SPEN: variants seen among roughly 807,000 people sequenced by gnomAD.
SPEN encodes msx2-interacting protein.
A neutral mutation model predicts 269.9 loss-of-function variants in SPEN; 18 were observed. The ratio of observed to expected loss-of-function variants is 0.07; its 90% CI spans 0.05 to 0.10. SPEN has a LOEUF of 0.10. Among genes scored for constraint, SPEN ranks in the 10% least tolerant of loss-of-function variants. The pLI is 1.00. For missense variants in SPEN, 3,822 were observed against 4,631.2 expected, an observed-to-expected ratio of 0.83 and a Z score of 5.07; for synonymous variants, 1,726 against 1,765.7, an observed-to-expected ratio of 0.98 and a Z score of 0.56.
chr1:15,888,371 G>A (rs1025345807), intron 3 of SPEN, among the ~76,000 whole-genome samples: 3 of 150,544 alleles, frequency 2.0e-5, no homozygotes, highest in South Asian at 4.2e-4. Context: ...TTGCCCAGGC[G>A]GAAGTGCAGT....
chr1:15,938,563 AGCT>A, intron 13 of SPEN, 152 bp from the exon 14 acceptor site: 1 of 577,258 alleles, frequency 1.7e-6, no homozygotes, highest in East Asian at 3.4e-5. Context: ...GTTGAAAAAA[AGCT>A]TTTTTTTTTT....
chr1:15,858,955 A>G (rs1375468977), intron 1 of SPEN, among the ~76,000 whole-genome samples: 1 of 152,148 alleles, frequency 6.6e-6, no homozygotes, highest in South Asian at 2.1e-4. Context: ...AAAAACAAAC[A>G]AACAAAAAAC....
Position 15,936,202 on chromosome 1 carries a change from C to G in SPEN, c.9962C>G (p.Thr3321Arg), listed in dbSNP as rs767599323. ...ACCTACCACCCCCCGGCCCAGCTCACACACACTCAGTTTCCCGCCGCTTCC... is the reference window on the plus strand; with the variant it reads ...ACCTACCACCCCCCGGCCCAGCTCAGACACACTCAGTTTCCCGCCGCTTCC... ...IRTYHPPAQL[T>R]HTQFPAASSV... The change falls in exon 11 of 15, where the codon ACA becomes AGA. Residue 3321 changes from threonine to arginine, a missense_variant. Transcript: ENST00000375759. 3.2e-6 allele frequency: 5 copies of G among 1,580,182 alleles called. No individual in the cohort carries two copies. The highest frequency in any genetic ancestry group is 4.3e-6 in the Non-Finnish European group (5 of 1,157,436).
At chr1:15,917,982 G>A (rs564727980) in intron 6 of SPEN, 1 of 152,156 alleles carries the variant, frequency 6.6e-6, no homozygotes, top group African/African-American at 2.4e-5. Context: ...ATGGAGAAAT[G>A]GATGACCTCA....
rs182141379 is a variant in SPEN, at chr1:15,872,189, C to T, written c.84-627C>T. Among the ~76,000 whole-genome samples, 452 of 140,610 alleles carry T rather than the reference C, an allele frequency of 3.2e-3. 2 individuals carry two copies. The highest frequency in any genetic ancestry group is 0.012 in the African/African-American group (434 of 36,982). The allele number at this position is 140,610 out of a possible 152,430, so 92.2% of individuals were successfully genotyped here. A position where few individuals can be genotyped will look rare whatever the true frequency, so the allele number is the denominator to read the frequency against. ...GGAGTTGGAGGTTACAGTAAGTGCA[C>T]TCCAGTCTGGGTGACAGAGTGAGAC... On this transcript the variant is annotated intron_variant, in intron 1 of 14. Coordinates refer to ENST00000375759, the MANE Select transcript of SPEN (RefSeq NM_015001.3).
intron 3 of SPEN, among the ~76,000 whole-genome samples, chr1:15,895,678 CTTTTT>C (rs746305617): frequency 7.7e-6 from 1 of 129,688 alleles, no homozygotes; most frequent in Non-Finnish European, 1.6e-5. Flanking sequence ...TATACTTAAC[CTTTTT>C]TTTTTTTTTT....
At chr1:15,889,486 T>G (rs2070769701) in intron 3 of SPEN, among the ~76,000 whole-genome samples, 1 of 151,274 alleles carries the variant, frequency 6.6e-6, no homozygotes, top group South Asian at 2.1e-4. Flanking sequence ...TTTCCTGGAG[T>G]TCAGAATTAG....
Position 15,935,438 on chromosome 1 carries a change from G to A in SPEN, c.9198G>A (p.Gln3066=), listed in dbSNP as rs1328626113. Residue 3066 remains glutamine (Q), a synonymous_variant, in exon 11 of 15, where the codon CAG becomes CAA. Transcript: ENST00000375759. This position sits in a 1 kb window ranked among gnomAD's most constrained non-coding sequence, Gnocchi z 7.7. ...TGGCTGCAGGCATCCCAGTGCCCCA[G>A]TTCATCTCCAGCATCCACCCAGAGC... ...VMLAAGIPVP[Q]FISSIHPEQS... 3 of 1,613,982 alleles carry A rather than the reference G, an allele frequency of 1.9e-6. No homozygotes were observed. In the African/African-American group the frequency reaches 4.0e-5, roughly 22 times the overall value.
intron 3 of SPEN, among the ~76,000 whole-genome samples, chr1:15,893,316 T>C (rs1168055974): frequency 2.0e-5 from 3 of 152,146 alleles, no homozygotes; most frequent in Admixed American, 1.3e-4. Context: ...TGATTCTTTA[T>C]ATGTTATTTT....
At chr1:15,864,863 G>A (rs12754727) in intron 1 of SPEN, among the ~76,000 whole-genome samples, 2 of 150,562 alleles carry the variant, frequency 1.3e-5, no homozygotes, top group Non-Finnish European at 3.0e-5. Context: ...TTTTAGTAGA[G>A]AAGGGGGTAG....
At chr1:15,869,935 T>A (rs1421638686) in intron 1 of SPEN, among the ~76,000 whole-genome samples, 1 of 152,098 alleles carries the variant, frequency 6.6e-6, no homozygotes, top group East Asian at 1.9e-4. Context: ...GGCGTGGTCT[T>A]GTCTCACTGC....
At position 15,928,604 on chromosome 1, in the gene SPEN, T is replaced by G. The variant is rs1291020450; in HGVS notation, c.2364T>G (p.Asn788Lys). The G allele has an allele frequency of 3.1e-6, 5 of 1,613,802 alleles. No homozygotes were observed. The highest frequency in any genetic ancestry group is 1.1e-5 in the South Asian group (1 of 91,070). ...CTCGTTTGGAGCGCTATACAAAAAA[T>G]GAAAAGACAGATAAAGAACGAACTT... The part of the protein sequence containing the change: ...DKSRLERYTK[N>K]EKTDKERTFD... Residue 788 changes from asparagine (N) to lysine (K), a missense_variant, in exon 11 of 15, where the codon AAT (asparagine) becomes AAG (lysine). Asn to Lys is a moderately conservative substitution (Grantham distance 94). This residue lies in a region of SPEN where 572 missense variants were observed against 582.6 expected (regional missense o/e 0.98). Transcript: ENST00000375759. The surrounding 1 kb of genome is among the most constrained non-coding windows in gnomAD (Gnocchi z 5.7).
At position 15,903,966 on chromosome 1, in the gene SPEN, A is replaced by G. The variant is rs1030839365; in HGVS notation, c.882-5355A>G. Among the ~76,000 whole-genome samples, 76 of 152,328 alleles carry G rather than the reference A, an allele frequency of 5.0e-4. 1 individual carries two copies. Among genetic ancestry groups the G allele is most frequent in the African/African-American group, 1.8e-3 (76 of 41,586 alleles). On this transcript the variant is annotated intron_variant, in intron 3 of 14. Coordinates refer to ENST00000375759, the MANE Select transcript of SPEN (RefSeq NM_015001.3). ...GGCTTTTAAGAAACAACTGAATACT[A>G]TATCATGCATTTTGATGAACTGTTG...
At chr1:15,859,127 GT>G (rs1228976242) in intron 1 of SPEN, among the ~76,000 whole-genome samples, 1 of 131,350 alleles carries the variant, frequency 7.6e-6, no homozygotes, top group Non-Finnish European at 1.6e-5. Flanking sequence ...ATTGCAGTCG[GT>G]TTTCTTTTTT....
chr1:15,916,293 A>G lies in SPEN; in HGVS notation c.1395+14A>G, dbSNP rs754739098. The G allele has an allele frequency of 7.5e-6, 12 of 1,606,786 alleles. No homozygotes were observed. In the African/African-American group the frequency reaches 1.6e-4, roughly 22 times the overall value. On this transcript the variant is annotated intron_variant, in intron 6 of 14. Transcript: ENST00000375759. ...GGAGAAATTGTGGTATGTTGCTTTT[A>G]CTATGTAAACAATTTTAGGTCTTTG...
intron 10 of SPEN, among the ~76,000 whole-genome samples, chr1:15,927,078 G>A (rs1250048172): frequency 6.6e-6 from 1 of 152,154 alleles, no homozygotes; most frequent in Non-Finnish European, 1.5e-5. Flanking sequence ...CAAACATTGC[G>A]GAGAATGAAT....
At chr1:15,884,148 T>G (rs994978366) in intron 3 of SPEN, among the ~76,000 whole-genome samples, 2 of 152,146 alleles carry the variant, frequency 1.3e-5, no homozygotes, top group African/African-American at 4.8e-5. Context: ...ATTTAATGAA[T>G]TCTGGATTTT....
chr1:15,860,237 C>A (rs1254151532), intron 1 of SPEN, among the ~76,000 whole-genome samples: 1 of 151,520 alleles, frequency 6.6e-6, no homozygotes, highest in East Asian at 2.0e-4. Flanking sequence ...GCATAGACTT[C>A]AGTGACTGTT....
chr1:15,922,657 C>CT lies in SPEN; in HGVS notation c.1850+309dup, dbSNP rs761502902. ...TTTTTTTTTGAGACAGGGTCTCACTCTGTCACCCAGACTGGAGTGCAGTGG... is the reference window on the plus strand; with the variant it reads ...TTTTTTTTTGAGACAGGGTCTCACTCTTGTCACCCAGACTGGAGTGCAGTGG... On this transcript the variant is annotated intron_variant, in intron 10 of 14. Coordinates refer to ENST00000375759, the MANE Select transcript of SPEN (RefSeq NM_015001.3). 7.8e-4 allele frequency among the ~76,000 whole-genome samples: 119 copies of CT among 152,132 alleles called. 1 individual carries two copies. Among genetic ancestry groups the CT allele is most frequent in the Non-Finnish European group, 1.5e-3 (104 of 68,034 alleles).
Sources: gnomAD v4.1 joint callset for allele counts (sites outside exome capture counted in the v4.1 genomes callset) on GRCh38, gnomAD v4.1.1 for gene constraint, gnomAD v4.1.1 regional missense constraint, Gnocchi (gnomAD v3.1) non-coding constraint, MANE v1.5 for transcripts, NCBI Gene and HGNC (gene_info 2026-07-23, HGNC 2026-07-21) for gene names.